The following GNB1L variants were observed in gnomAD, a reference collection of about 807,000 sequenced individuals.
GNB1L encodes the protein G protein subunit beta 1 like.
In GNB1L, 20 loss-of-function variants were observed where a neutral mutation model predicts 29.1. The ratio of observed to expected loss-of-function variants is 0.69; its 90% CI spans 0.48 to 1.00. The LOEUF is 1.00. Ranked by LOEUF, GNB1L falls within the 50% of genes least tolerant of loss-of-function variation. The pLI is 0.00. For missense variants in GNB1L, 421 were observed against 464.9 expected, an observed-to-expected ratio of 0.91 and a Z score of 0.87; for synonymous variants, 193 against 206.5, an observed-to-expected ratio of 0.93 and a Z score of 0.56.
chr22:19,821,968 G>A (rs181799306), intron 2 of GNB1L, among the ~76,000 whole-genome samples: 93 of 152,274 alleles, frequency 6.1e-4, no homozygotes, highest in Middle Eastern at 3.4e-3. Flanking sequence ...GGCAAATCCA[G>A]TCTCCCTTCT....
intron 2 of GNB1L, among the ~76,000 whole-genome samples, chr22:19,843,925 C>A (rs77606762): frequency 1.3e-5 from 2 of 152,340 alleles, no homozygotes; most frequent in Non-Finnish European, 1.5e-5. Context: ...CACCTCCACC[C>A]TGCTCCCCTA....
At chr22:19,809,294 G>A (rs1937471684) in intron 5 of GNB1L, among the ~76,000 whole-genome samples, 1 of 152,012 alleles carries the variant, frequency 6.6e-6, no homozygotes, top group South Asian at 2.1e-4. Context: ...GGAATGAGGT[G>A]GAATCTGGCC....
intron 2 of GNB1L, among the ~76,000 whole-genome samples, chr22:19,843,539 G>A (rs1323116904): frequency 1.3e-5 from 2 of 152,158 alleles, no homozygotes; most frequent in Non-Finnish European, 2.9e-5. Context: ...TCTCTGTGGC[G>A]GGGAATAAGG....
At chr22:19,806,530 C>G (rs1937436311) in intron 6 of GNB1L, 129 bp downstream of exon 6, 1 of 630,546 alleles carries the variant, frequency 1.6e-6, no homozygotes, top group South Asian at 1.9e-5. Flanking sequence ...GGCAGCTGCA[C>G]AGGTTCCCTG....
rs1937217264 is a variant in GNB1L, at chr22:19,788,776, T to C, written c.917A>G (p.Asp306Gly). The change falls in exon 8 of 8, where the codon GAT (aspartate) becomes GGT (glycine). Residue 306 changes from aspartate (D) to glycine (G), a missense_variant. Asp to Gly is a moderately conservative substitution (Grantham distance 94). Transcript: ENST00000329517. ...CTTGGAGCCCGCGGCCAGCAAGCCA[T>C]CGGCGGTGAAGGCCACGCACTGGAC... ...AAVQCVAFTA[D>G]GLLAAGSKDQ... 4 of 1,612,064 alleles carry C rather than the reference T, an allele frequency of 2.5e-6. No individual in the cohort carries two copies. Among genetic ancestry groups the C allele is most frequent in the African/African-American group, 1.3e-5 (1 of 74,914 alleles).
intron 7 of GNB1L, chr22:19,792,146 G>A: frequency 1.8e-6 from 1 of 565,430 alleles, no homozygotes; most frequent in Non-Finnish European, 3.1e-6. Context: ...TAAGAAGCAG[G>A]AATATATGAC....
intron 2 of GNB1L, chr22:19,848,510 G>A: frequency 1.0e-6 from 1 of 985,508 alleles, no homozygotes; most frequent in South Asian, 4.7e-5. Flanking sequence ...CTGTCTGGAA[G>A]GCCATGCCAG....
At chr22:19,793,795 C>T (rs1937277234) in intron 7 of GNB1L, among the ~76,000 whole-genome samples, 1 of 152,070 alleles carries the variant, frequency 6.6e-6, no homozygotes, top group African/African-American at 2.4e-5. Flanking sequence ...ATTCCATAGC[C>T]AGGATTCTGT....
At position 19,820,673 on chromosome 22, in the gene GNB1L, A is replaced by T. The variant is rs770588430; in HGVS notation, c.179T>A (p.Val60Asp). 6.2e-7 allele frequency: 1 copy of T among 1,613,516 alleles called. No homozygotes were observed. Among genetic ancestry groups the T allele is most frequent in the Non-Finnish European group, 8.5e-7 (1 of 1,179,902 alleles). ...GCCGCCGTGGCCATCCAGGGTGGTA[A>T]CCGCTCTCCGCGTCTGCAGGCTCCA... is the stretch of plus-strand genomic sequence containing the variant. ...HIWSLQTRRA[V>D]TTLDGHGGQC... Residue 60 changes from valine to aspartate, a missense_variant, in exon 4 of 8, where the codon GTT (valine) becomes GAT (aspartate). Physicochemically the swap from Val to Asp is radical, Grantham distance 152 (BLOSUM62 -3). Coordinates refer to ENST00000329517, the MANE Select transcript of GNB1L (RefSeq NM_053004.3).
chr22:19,823,549 C>T (rs577773811), intron 2 of GNB1L, among the ~76,000 whole-genome samples: 4 of 152,286 alleles, frequency 2.6e-5, no homozygotes, highest in South Asian at 4.1e-4. Context: ...AATGCAGACC[C>T]GGCAAAAGCA....
intron 7 of GNB1L, among the ~76,000 whole-genome samples, chr22:19,801,082 C>T (rs1937365116): frequency 6.6e-6 from 1 of 152,218 alleles, no homozygotes; most frequent in African/African-American, 2.4e-5. Flanking sequence ...AGAAGGGCAG[C>T]CCCGGGCCCT....
Position 19,794,340 on chromosome 22 carries a change from T to C in GNB1L, c.733-5380A>G, listed in dbSNP as rs1039900449. Reference sequence around the variant, plus strand: ...AACAGTCACAGAAAGACTAAAAAGGTGAGTAGAAGGGATTGCACCAGCACA... The same window carrying C: ...AACAGTCACAGAAAGACTAAAAAGGCGAGTAGAAGGGATTGCACCAGCACA... On this transcript the variant is annotated intron_variant, in intron 7 of 7. Coordinates refer to ENST00000329517, the MANE Select transcript of GNB1L (RefSeq NM_053004.3). 3.3e-5 allele frequency among the ~76,000 whole-genome samples: 5 copies of C among 151,908 alleles called. No individual in the cohort carries two copies. In the South Asian group the frequency reaches 1.0e-3, roughly 32 times the overall value.
At chr22:19,847,262 C>A in intron 2 of GNB1L, 1 of 985,352 alleles carries the variant, frequency 1.0e-6, no homozygotes, top group Non-Finnish European at 1.2e-6. Flanking sequence ...GCAGTGCCAA[C>A]TGTAGCCGCT....
chr22:19,820,467 C>T (rs1423571732), intron 4 of GNB1L, 131 bp downstream of exon 4: 24 of 998,094 alleles, frequency 2.4e-5, no homozygotes, highest in South Asian at 3.2e-5. Flanking sequence ...GCCCTTGCTG[C>T]GGACCCTTTG....
chr22:19,835,552 T>C (rs1937751285), intron 2 of GNB1L, among the ~76,000 whole-genome samples: 1 of 152,026 alleles, frequency 6.6e-6, no homozygotes, highest in African/African-American at 2.4e-5. Context: ...CGCACGCCTG[T>C]AGTCCCAGCT....
intron 2 of GNB1L, among the ~76,000 whole-genome samples, chr22:19,826,440 G>A (rs919443547): frequency 3.1e-4 from 47 of 152,188 alleles, no homozygotes; most frequent in Admixed American, 2.8e-3. Flanking sequence ...CACTGTAATC[G>A]AGAGTCATGA....
intron 7 of GNB1L, among the ~76,000 whole-genome samples, chr22:19,796,171 G>A (rs530672996): frequency 2.0e-5 from 3 of 152,342 alleles, no homozygotes; most frequent in East Asian, 1.9e-4. Flanking sequence ...TAGAGATGAT[G>A]AGGGGGAATG....
intron 2 of GNB1L, among the ~76,000 whole-genome samples, chr22:19,838,433 A>C (rs1002962072): frequency 2.0e-5 from 3 of 152,128 alleles, no homozygotes; most frequent in Non-Finnish European, 4.4e-5. Flanking sequence ...ACTCTGGAAA[A>C]GAGTATGGCA....
chr22:19,806,824 A>G, intron 5 of GNB1L, 67 bp from the exon 6 acceptor site: 1 of 1,127,008 alleles, frequency 8.9e-7, no homozygotes, highest in East Asian at 2.5e-5. Context: ...CAAACAAGAG[A>G]CTCTTAAGGC....
Sources: gnomAD v4.1 joint callset for allele counts (sites outside exome capture counted in the v4.1 genomes callset) on GRCh38, gnomAD v4.1.1 for gene constraint, MANE v1.5 for transcripts, NCBI Gene and HGNC (gene_info 2026-07-23, HGNC 2026-07-21) for gene names.